The following COL24A1 variants were observed in gnomAD, a reference collection of about 807,000 sequenced individuals.
COL24A1 encodes collagen alpha-1(XXIV) chain.
COL24A1 carries 224 observed loss-of-function variants against 253.9 expected under a neutral mutation model. The observed-to-expected ratio is 0.88, with a 90% CI of 0.79 to 0.99. COL24A1 has a LOEUF of 0.99. Ranked by LOEUF, COL24A1 falls within the 50% of genes least tolerant of loss-of-function variation. COL24A1 has a pLI of 0.00. For missense variants in COL24A1, 2,131 were observed against 2,068.5 expected (o/e 1.03, Z -0.59); for synonymous variants, 685 against 673.7 (o/e 1.02, Z -0.26).
intron 24 of COL24A1, among the ~76,000 whole-genome samples, chr1:85,941,175 T>TCAATTCTGC (rs1688724188): frequency 6.6e-6 from 1 of 152,206 alleles, no homozygotes. Context: ...AATATATGCT[T>TCAATTCTGC]ATATGCAGAA....
At chr1:86,007,578 TG>T (rs886538062) in intron 19 of COL24A1, among the ~76,000 whole-genome samples, 1 of 152,190 alleles carries the variant, frequency 6.6e-6, no homozygotes, top group African/African-American at 2.4e-5. Context: ...CTTTAGTCGG[TG>T]AATGGATAAA....
rs183439449 is a variant in COL24A1, at chr1:86,065,960, A to C, written c.1708-2201T>G. On this transcript the variant is annotated intron_variant, in intron 7 of 59. Coordinates refer to ENST00000370571, the MANE Select transcript of COL24A1 (RefSeq NM_152890.7). ...CTACAGGAAGCCAAAGTATACACAA[A>C]AATTAAAATTGAAATTATGTTAAGA... 1.5e-4 allele frequency among the ~76,000 whole-genome samples: 23 copies of C among 152,296 alleles called. No individual in the cohort carries two copies. In the East Asian group the frequency reaches 4.2e-3, roughly 28 times the overall value.
chr1:86,050,228 A>G (rs369967361), intron 10 of COL24A1, 51 bp from the exon 11 acceptor site: 70 of 1,502,352 alleles, frequency 4.7e-5, no homozygotes, highest in Non-Finnish European at 5.9e-5. Flanking sequence ...TATTCTCCCC[A>G]TAAGTGATTC....
chr1:85,842,237 A>G (rs1402358409), intron 40 of COL24A1, 103 bp downstream of exon 40: 1 of 1,348,954 alleles, frequency 7.4e-7, no homozygotes. Flanking sequence ...AATATGTTAG[A>G]AAGGTTTATC....
chr1:85,909,886 T>C lies in COL24A1; in HGVS notation c.2670+64A>G, dbSNP rs1203449058. ...AAATTCCAGCCCAGGCAATTCCATCTCTGGAACGACTTGCTTTTATTGCAT... is the reference window on the plus strand; with the variant it reads ...AAATTCCAGCCCAGGCAATTCCATCCCTGGAACGACTTGCTTTTATTGCAT... On this transcript the variant is annotated intron_variant, in intron 26 of 59. Coordinates refer to ENST00000370571, the MANE Select transcript of COL24A1 (RefSeq NM_152890.7). The C allele has an allele frequency of 3.0e-6, 4 of 1,337,234 alleles. No individual in the cohort carries two copies. The East Asian group carries it at 9.3e-5, about 31-fold the overall frequency. The allele number at this position is 1,337,234 out of a possible 1,614,324, so 82.8% of individuals were successfully genotyped here. A position where few individuals can be genotyped will look rare whatever the true frequency, so the allele number is the denominator to read the frequency against.
intron 24 of COL24A1, among the ~76,000 whole-genome samples, chr1:85,944,186 G>T (rs542477889): frequency 6.6e-6 from 1 of 152,274 alleles, no homozygotes; most frequent in Admixed American, 6.5e-5. Context: ...CTCTATTACA[G>T]TATTTCAGAT....
chr1:85,739,074 C>T (rs1664344391), intron 57 of COL24A1, among the ~76,000 whole-genome samples: 1 of 152,084 alleles, frequency 6.6e-6, no homozygotes, highest in Non-Finnish European at 1.5e-5. Context: ...GTCAACCATT[C>T]CTAGTCCCTT....
chr1:86,058,525 T>C (rs1245729821), intron 9 of COL24A1, among the ~76,000 whole-genome samples: 1 of 151,346 alleles, frequency 6.6e-6, no homozygotes, highest in Non-Finnish European at 1.5e-5. Context: ...AAAAGATAAA[T>C]GTAACTTTAT....
chr1:85,829,755 C>T (rs911610894), intron 43 of COL24A1, among the ~76,000 whole-genome samples: 10 of 152,104 alleles, frequency 6.6e-5, no homozygotes, highest in South Asian at 6.2e-4. Context: ...AGTTCTCGAG[C>T]CTTGGTTTTC....
intron 52 of COL24A1, among the ~76,000 whole-genome samples, chr1:85,776,674 A>C (rs1195929742): frequency 6.6e-6 from 1 of 151,726 alleles, no homozygotes. Flanking sequence ...CTTTTTGCTA[A>C]TTTTTGTCAT....
chr1:85,969,017 T>C (rs1298532987), intron 22 of COL24A1, among the ~76,000 whole-genome samples: 2 of 152,148 alleles, frequency 1.3e-5, no homozygotes, highest in African/African-American at 2.4e-5. Context: ...CATATACTTA[T>C]AGCAATACTA....
intron 43 of COL24A1, among the ~76,000 whole-genome samples, chr1:85,835,497 C>T (rs11161686): frequency 0.35 from 53,317 of 151,844 alleles, 10,230 homozygotes; most frequent in Non-Finnish European, 0.43. Context: ...ACTAAGTATT[C>T]GTTAATAATA....
At chr1:85,826,940 T>C (rs550345884) in intron 43 of COL24A1, among the ~76,000 whole-genome samples, 1 of 152,058 alleles carries the variant, frequency 6.6e-6, no homozygotes, top group Admixed American at 6.6e-5. Context: ...CTAATTGCCC[T>C]GGCCAGAACT....
At position 86,125,625 on chromosome 1, in the gene COL24A1, A is replaced by T. The variant is rs763103685; in HGVS notation, c.711T>A (p.Tyr237Ter). The change falls in exon 3 of 60, where the codon TAT becomes TAA. Residue 237 changes from tyrosine (Y) to a stop codon, truncating the protein, a stop_gained. Transcript: ENST00000370571. LOFTEE classifies it high-confidence loss of function. ...CTGCTTGGCGACACTGCTGTTTCACATATCTGCAGTAGTCTGCAGATGCTT... is the reference window on the plus strand; with the variant it reads ...CTGCTTGGCGACACTGCTGTTTCACTTATCTGCAGTAGTCTGCAGATGCTT... Reference protein sequence around the residue: ...SAEASADYCRYVKQQCRQADK... With the variant: ...SAEASADYCR 5 of 1,613,218 alleles carry T rather than the reference A, an allele frequency of 3.1e-6. No individual in the cohort carries two copies. The highest frequency in any genetic ancestry group is 3.4e-6 in the Non-Finnish European group (4 of 1,179,546).
intron 53 of COL24A1, among the ~76,000 whole-genome samples, chr1:85,770,554 T>C (rs1439575140): frequency 6.6e-6 from 1 of 152,130 alleles, no homozygotes; most frequent in African/African-American, 2.4e-5. Context: ...TCATGTGAGA[T>C]GAATATGTTA....
At chr1:85,970,140 A>G in intron 22 of COL24A1, 87 bp downstream of exon 22, 1 of 1,206,228 alleles carries the variant, frequency 8.3e-7, no homozygotes, top group Non-Finnish European at 1.2e-6. Context: ...CTTTACTATA[A>G]TGTAAAATGT....
At chr1:86,027,598 AG>A (rs1458044530) in intron 14 of COL24A1, among the ~76,000 whole-genome samples, 1 of 152,224 alleles carries the variant, frequency 6.6e-6, no homozygotes, top group Non-Finnish European at 1.5e-5. Flanking sequence ...TAGATTTCAC[AG>A]GATGTCAGGA....
Position 85,822,946 on chromosome 1 carries a change from C to T in COL24A1, c.3789+590G>A, listed in dbSNP as rs545710430. 2.0e-5 allele frequency among the ~76,000 whole-genome samples: 3 copies of T among 152,208 alleles called. No individual in the cohort carries two copies. The East Asian group carries it at 5.8e-4, about 29-fold the overall frequency. ...CAGTTTAACCAAAATTCCCCTGGCC[C>T]CTGGTGTTTCCTCTTAAGTAATTTT... On this transcript the variant is annotated intron_variant, in intron 45 of 59. Coordinates refer to ENST00000370571, the MANE Select transcript of COL24A1 (RefSeq NM_152890.7).
intron 24 of COL24A1, among the ~76,000 whole-genome samples, chr1:85,960,175 T>C (rs1502658): frequency 0.099 from 14,607 of 147,228 alleles, 803 homozygotes; most frequent in East Asian, 0.17. Flanking sequence ...CCAAGATTTA[T>C]AATTAATTAT....
Sources: gnomAD v4.1 joint callset for allele counts (sites outside exome capture counted in the v4.1 genomes callset) on GRCh38, gnomAD v4.1.1 for gene constraint, MANE v1.5 for transcripts, NCBI Gene and HGNC (gene_info 2026-07-23, HGNC 2026-07-21) for gene names.